DST: variants seen among roughly 807,000 people sequenced by gnomAD.
The protein encoded by DST is dystonin.
Under a neutral mutation model 875.2 loss-of-function variants are expected in DST, and 253 were observed. The ratio of observed to expected loss-of-function variants is 0.29; its 90% confidence interval spans 0.26 to 0.32. The LOEUF (loss-of-function observed/expected upper bound fraction) is 0.32, where lower values mean the gene tolerates loss of function less well. DST is among the 10% of genes least tolerant of loss of function. The pLI is 1.00. For synonymous variants in DST, 3,124 were observed against 3,197.1 expected (o/e 0.98, Z 0.77); for missense variants, 8,287 against 9,111.6 (o/e 0.91, Z 3.68).
intron 22 of DST, 133 bp from the exon 23 acceptor site, chr6:56,636,785 G>A: frequency 1.3e-6 from 1 of 795,788 alleles, no homozygotes; most frequent in South Asian, 1.4e-5. Flanking sequence ...AATAAGACTT[G>A]GAAATTAGGG....
chr6:56,858,506 G>A (rs561180177), intron 3 of DST, among the ~76,000 whole-genome samples: 31 of 152,300 alleles, frequency 2.0e-4, no homozygotes, highest in African/African-American at 7.0e-4. Flanking sequence ...TACAAGGTAA[G>A]TATCAAAGAT....
chr6:56,529,550 A>G lies in DST; in HGVS notation c.17493T>C (p.Val5831=), dbSNP rs2096859995. ...CNAKIFGEDE[V]ELMNWLNEVH... ...CTTCATTCAGCCAGTTCATCAGTTC[A>G]ACTTCATCTTCCCCAAAAATCTTAG... Residue 5831 remains valine, a synonymous_variant, in exon 66 of 104, where the codon GTT becomes GTC. Transcript: ENST00000680361. 2.5e-6 allele frequency: 4 copies of G among 1,613,686 alleles called. No individual in the cohort carries two copies. The South Asian group carries it at 4.4e-5, about 18-fold the overall frequency.
intron 27 of DST, 100 bp downstream of exon 27, chr6:56,634,032 G>C: frequency 7.4e-7 from 1 of 1,354,170 alleles, no homozygotes. Flanking sequence ...GGATTTGCCG[G>C]ACTCCATCCT....
rs140846597 is a variant in DST, at chr6:56,565,197, C to T, written c.14006-2997G>A. Among the ~76,000 whole-genome samples the T allele has an allele frequency of 6.2e-4, 94 of 150,500 alleles. 1 individual carries two copies. The highest frequency in any genetic ancestry group is 2.1e-3 in the African/African-American group (84 of 40,846). ...GTGCAGTGGCACAATCTCGGCTCAC[C>T]GCAAGCTCCATCTCCTGGGTTCACG... is the stretch of plus-strand genomic sequence containing the variant. On this transcript the variant is annotated intron_variant, in intron 55 of 103. Coordinates refer to ENST00000680361, the MANE Select transcript of DST (RefSeq NM_001374736.1).
chr6:56,825,264 G>A (rs902505872), intron 4 of DST, among the ~76,000 whole-genome samples: 10 of 148,382 alleles, frequency 6.7e-5, no homozygotes, highest in Admixed American at 1.3e-4. Flanking sequence ...TAAGGGCGGT[G>A]CAAGATGTGC....
At chr6:56,758,368 C>T (rs1259347599) in intron 4 of DST, among the ~76,000 whole-genome samples, 1 of 152,044 alleles carries the variant, frequency 6.6e-6, no homozygotes, top group Admixed American at 6.6e-5. Context: ...GGTGAAACAT[C>T]TAAAAAAACA....
intron 4 of DST, among the ~76,000 whole-genome samples, chr6:56,768,562 T>G (rs1339129279): frequency 6.6e-6 from 1 of 152,158 alleles, no homozygotes; most frequent in Admixed American, 6.6e-5. Flanking sequence ...AATCACAGAC[T>G]AAATGTAAAA....
intron 4 of DST, among the ~76,000 whole-genome samples, chr6:56,816,624 C>T (rs1390730791): frequency 6.6e-6 from 1 of 152,142 alleles, no homozygotes; most frequent in Admixed American, 6.5e-5. Context: ...ATTAACAAGC[C>T]TTATCTATGA....
intron 4 of DST, among the ~76,000 whole-genome samples, chr6:56,767,087 T>C (rs1203413053): frequency 6.6e-6 from 1 of 152,214 alleles, no homozygotes; most frequent in Non-Finnish European, 1.5e-5. Context: ...CAGTTTTCAG[T>C]TCATCTTAGA....
chr6:56,558,768 A>G (rs370958455), intron 58 of DST, among the ~76,000 whole-genome samples: 4 of 152,218 alleles, frequency 2.6e-5, no homozygotes, highest in South Asian at 4.1e-4. Context: ...GTACTCTGAG[A>G]CGATCCTCTA....
intron 3 of DST, among the ~76,000 whole-genome samples, chr6:56,858,851 C>T (rs1278972394): frequency 6.6e-6 from 1 of 152,168 alleles, no homozygotes; most frequent in Non-Finnish European, 1.5e-5. Context: ...TTAATACTCA[C>T]TGAAATCCAA....
rs757817189 is a variant in DST at position 56,506,438 on chromosome 6, C to T, written c.19464+5G>A. The T allele has an allele frequency of 1.2e-6, 2 of 1,609,328 alleles. No homozygotes were observed. The highest frequency in any genetic ancestry group is 2.2e-5 in the South Asian group (2 of 90,184). ...AGACCAGCACATACACTGTAATCCC[C>T]TTACCTGCAGTCCATCCTGGTACTG... On this transcript the variant is annotated splice_donor_5th_base_variant and intron_variant, in intron 77 of 103. Transcript: ENST00000680361.
intron 3 of DST, among the ~76,000 whole-genome samples, chr6:56,856,995 T>C (rs1768206593): frequency 6.6e-6 from 1 of 151,864 alleles, no homozygotes; most frequent in African/African-American, 2.4e-5. Context: ...AATGAAGAAT[T>C]GAGGGGAAAT....
chr6:56,621,315 T>G (rs962146468), intron 36 of DST, among the ~76,000 whole-genome samples: 1 of 152,192 alleles, frequency 6.6e-6, no homozygotes, highest in African/African-American at 2.4e-5. Context: ...GAAGGAAAAT[T>G]ATACAAAAAC....
intron 2 of DST, among the ~76,000 whole-genome samples, chr6:56,917,600 T>A (rs1801842225): frequency 6.6e-6 from 1 of 152,244 alleles, no homozygotes; most frequent in African/African-American, 2.4e-5. Flanking sequence ...TTGCCCCTCT[T>A]GCAGTTATTT....
intron 90 of DST, among the ~76,000 whole-genome samples, chr6:56,478,355 G>A (rs1253950874): frequency 6.6e-6 from 1 of 152,084 alleles, no homozygotes; most frequent in Non-Finnish European, 1.5e-5. Context: ...TTGGAAGAGT[G>A]AGCCTGACAG....
Position 56,611,590 on chromosome 6 carries a change from T to C in DST, c.5065A>G (p.Ser1689Gly), listed in dbSNP as rs2098545301. 2 of 1,606,860 alleles carry C rather than the reference T, an allele frequency of 1.2e-6. No individual in the cohort carries two copies. Among genetic ancestry groups the C allele is most frequent in the Non-Finnish European group, 1.7e-6 (2 of 1,174,158 alleles). The change falls in exon 38 of 104, where the codon AGT becomes GGT. Residue 1689 changes from serine to glycine, a missense_variant. Physicochemically the swap from Ser to Gly is moderately conservative, Grantham distance 56. Transcript: ENST00000680361. ...TCCTTCTTGGTTGATATTTCCTCAC[T>C]GGAAATCTGTAAGGTAAAGAAGGCA... Reference protein sequence around the residue: ...KPPFSKQKISSEEISTKKEQL... With the variant: ...KPPFSKQKISGEEISTKKEQL...
At chr6:56,481,568 C>A (rs2095402766) in intron 90 of DST, among the ~76,000 whole-genome samples, 2 of 152,132 alleles carry the variant, frequency 1.3e-5, no homozygotes, top group African/African-American at 4.8e-5. Context: ...TGATTAAAAA[C>A]AGAAGCAGCA....
At chr6:56,753,394 C>T (rs2152954481) in intron 4 of DST, among the ~76,000 whole-genome samples, 1 of 152,284 alleles carries the variant, frequency 6.6e-6, no homozygotes, top group African/African-American at 2.4e-5. Flanking sequence ...AATACCAGAC[C>T]TCAAATCCCC....
Sources: gnomAD v4.1 joint callset for allele counts (sites outside exome capture counted in the v4.1 genomes callset) on GRCh38, gnomAD v4.1.1 for gene constraint, MANE v1.5 for transcripts, NCBI Gene and HGNC (gene_info 2026-07-23, HGNC 2026-07-21) for gene names.